QSER1: variants seen among roughly 807,000 people sequenced by gnomAD.
The protein encoded by QSER1 is glutamine and serine-rich protein 1.
QSER1 carries 49 observed loss-of-function variants against 158.5 expected under a neutral mutation model. That is an observed-to-expected ratio of 0.31 (90% confidence interval 0.25 to 0.39). The LOEUF (loss-of-function observed/expected upper bound fraction) is 0.39. Ranked by LOEUF, QSER1 falls within the 10% of genes least tolerant of loss-of-function variation. QSER1 has a pLI of 1.00. For synonymous variants in QSER1, 650 were observed against 715.5 expected (o/e 0.91, Z 1.46); for missense variants, 1,754 against 2,010.3 (o/e 0.87, Z 2.44).
At chr11:32,908,710 A>G (rs1258772809) in intron 1 of QSER1, among the ~76,000 whole-genome samples, 1 of 152,228 alleles carries the variant, frequency 6.6e-6, no homozygotes, top group East Asian at 1.9e-4. Flanking sequence ...GTTATTGCAA[A>G]TAATGCTGCT....
intron 4 of QSER1, among the ~76,000 whole-genome samples, chr11:32,949,578 A>G (rs1002897864): frequency 6.6e-6 from 1 of 152,198 alleles, no homozygotes; most frequent in Admixed American, 6.5e-5. Flanking sequence ...ATGCAATTGT[A>G]TAATGTTAGA....
At chr11:32,945,559 T>TA (rs1342404830) in intron 4 of QSER1, among the ~76,000 whole-genome samples, 2 of 152,176 alleles carry the variant, frequency 1.3e-5, no homozygotes, top group Non-Finnish European at 2.9e-5. Context: ...ATGTTGAATA[T>TA]TGGCCCCCAC....
chr11:32,963,140 G>T (rs1421793959), intron 8 of QSER1, among the ~76,000 whole-genome samples: 1 of 152,054 alleles, frequency 6.6e-6, no homozygotes, highest in African/African-American at 2.4e-5. Context: ...CTTCGTCAAG[G>T]ACTATTAATT....
At chr11:32,923,591 T>A (rs1851926024) in intron 1 of QSER1, among the ~76,000 whole-genome samples, 1 of 151,306 alleles carries the variant, frequency 6.6e-6, no homozygotes, top group African/African-American at 2.4e-5. Flanking sequence ...GGCAGGAGAA[T>A]TGCTTGAACC....
At chr11:32,909,020 C>T (rs988143768) in intron 1 of QSER1, among the ~76,000 whole-genome samples, 1 of 152,054 alleles carries the variant, frequency 6.6e-6, no homozygotes, top group Admixed American at 6.6e-5. Context: ...ATTAGCTGGG[C>T]GTGGTGGTAC....
intron 1 of QSER1, among the ~76,000 whole-genome samples, chr11:32,898,359 G>A (rs1019261591): frequency 2.6e-5 from 4 of 151,820 alleles, no homozygotes; most frequent in Admixed American, 1.3e-4. Flanking sequence ...GGTGGCGTGC[G>A]CCTGTGGTCC....
At chr11:32,963,841 GT>G (rs1852674546) in intron 8 of QSER1, among the ~76,000 whole-genome samples, 1 of 151,306 alleles carries the variant, frequency 6.6e-6, no homozygotes, top group South Asian at 2.1e-4. Context: ...TAATTTTAAA[GT>G]TTTTTGTAGA....
intron 1 of QSER1, among the ~76,000 whole-genome samples, chr11:32,910,229 T>G (rs1334908659): frequency 1.3e-5 from 2 of 152,218 alleles, no homozygotes; most frequent in Non-Finnish European, 2.9e-5. Context: ...GCATTGCTGA[T>G]TACTGTGTCC....
At chr11:32,960,325 G>A (rs1852599905) in intron 8 of QSER1, among the ~76,000 whole-genome samples, 1 of 152,172 alleles carries the variant, frequency 6.6e-6, no homozygotes, top group Non-Finnish European at 1.5e-5. Flanking sequence ...GGGAGGCTGA[G>A]GAGGGTGGAT....
At chr11:32,921,085 A>G (rs1474497752) in intron 1 of QSER1, among the ~76,000 whole-genome samples, 1 of 152,212 alleles carries the variant, frequency 6.6e-6, no homozygotes, top group Non-Finnish European at 1.5e-5. Context: ...GCCCAAAAGT[A>G]GAAACAACCC....
rs1554922098 is a variant in QSER1, at chr11:32,892,843, G to GGCGGCCGCCGCC, written c.-281_-280insGGCCGCCGCCGC. ...GAAATCCACCAACATGGGGCGCAGC[G>GGCGGCCGCCGCC]GCCGCCGCCGCCGCCGCCGTCGCCG... On this transcript the variant is annotated 5_prime_UTR_variant, in exon 1 of 13. Transcript: ENST00000650167. 6.9e-6 allele frequency among the ~76,000 whole-genome samples: 1 copy of GGCGGCCGCCGCC among 144,782 alleles called. No homozygotes were observed. Among genetic ancestry groups the GGCGGCCGCCGCC allele is most frequent in the Non-Finnish European group, 1.5e-5 (1 of 65,518 alleles). The allele number at this position is 144,782 out of a possible 152,430, so 95.0% of individuals were successfully genotyped here.
intron 8 of QSER1, among the ~76,000 whole-genome samples, chr11:32,962,770 A>C (rs1199703436): frequency 6.6e-6 from 1 of 152,170 alleles, no homozygotes; most frequent in Non-Finnish European, 1.5e-5. Flanking sequence ...GATGTCCAGA[A>C]CTCTAATTTT....
intron 1 of QSER1, among the ~76,000 whole-genome samples, chr11:32,921,728 A>T (rs34351545): frequency 0.096 from 14,552 of 152,242 alleles, 872 homozygotes; most frequent in African/African-American, 0.17. Flanking sequence ...GATTCAATAC[A>T]GTTTTTTTGT....
rs1852996458 is a variant in QSER1, at chr11:32,977,390, G to GT, written c.*917dup. The GT allele has an allele frequency of 2.0e-5, 3 of 152,652 alleles. No homozygotes were observed. The highest frequency in any genetic ancestry group is 7.2e-5 in the African/African-American group (3 of 41,546). The allele number at this position is 152,652 out of a possible 1,614,324, so 9.5% of individuals were successfully genotyped here. A position where few individuals can be genotyped will look rare whatever the true frequency, so the allele number is the denominator to read the frequency against. The stretch of plus-strand genomic sequence containing the variant: ...CAGTGTTATCCAGAATATGCATTCA[G>GT]TACTAGAATTAGTTTAGCTTTATAA... On this transcript the variant is annotated 3_prime_UTR_variant, in exon 13 of 13. Coordinates refer to ENST00000650167, the MANE Select transcript of QSER1 (RefSeq NM_001076786.3).
chr11:32,956,012 A>G lies in QSER1; in HGVS notation c.4642A>G (p.Lys1548Glu). The G allele has an allele frequency of 6.2e-7, 1 of 1,607,142 alleles. No homozygotes were observed. The highest frequency in any genetic ancestry group is 1.1e-5 in the South Asian group (1 of 90,564). ...GTATCTTGGATATTTTGGAGATGCA[A>G]AGAGTAAATACAAAAGAATATATGT... Reference protein sequence around the residue: ...NSYLGYFGDAKSKYKRIYVKF... With the variant: ...NSYLGYFGDAESKYKRIYVKF... The change falls in exon 7 of 13, where the codon AAG becomes GAG. Residue 1548 changes from lysine to glutamate, a missense_variant. By Grantham distance (56) the Lys-to-Glu change is moderately conservative. Coordinates refer to ENST00000650167, the MANE Select transcript of QSER1 (RefSeq NM_001076786.3).
At chr11:32,970,605 A>T (rs1200600689) in intron 10 of QSER1, among the ~76,000 whole-genome samples, 1 of 152,124 alleles carries the variant, frequency 6.6e-6, no homozygotes, top group East Asian at 1.9e-4. Context: ...GGGTTTCACC[A>T]TGTTGGTCAG....
At chr11:32,954,325 G>A in intron 5 of QSER1, 146 bp downstream of exon 5, 3 of 904,614 alleles carry the variant, frequency 3.3e-6, no homozygotes, top group Non-Finnish European at 4.8e-6. Flanking sequence ...AAAATATTAA[G>A]AGTAGATGTC....
At chr11:32,942,598 G>T (rs1203990728) in intron 4 of QSER1, among the ~76,000 whole-genome samples, 15 of 152,150 alleles carry the variant, frequency 9.9e-5, no homozygotes, top group Non-Finnish European at 1.2e-4. Context: ...CTATATCTCT[G>T]TTTTGGTACC....
chr11:32,893,486 CT>C lies in QSER1; in HGVS notation c.209+153del, dbSNP rs1392181586. ...CCAGCTCGGGGGAGGCGGCTGATGACTCCTACGGGGTGGTCGCGGGTAGGTG... is the reference window on the plus strand; with the variant it reads ...CCAGCTCGGGGGAGGCGGCTGATGACCCTACGGGGTGGTCGCGGGTAGGTG... On this transcript the variant is annotated intron_variant, in intron 1 of 12. Transcript: ENST00000650167. The surrounding 1 kb of genome is among the most constrained non-coding windows in gnomAD (Gnocchi z 4.7). Among the ~76,000 whole-genome samples the C allele has an allele frequency of 5.9e-5, 9 of 152,190 alleles. No individual in the cohort carries two copies. Among genetic ancestry groups the C allele is most frequent in the African/African-American group, 4.8e-5 (2 of 41,456 alleles).
Sources: gnomAD v4.1 joint callset for allele counts (sites outside exome capture counted in the v4.1 genomes callset) on GRCh38, gnomAD v4.1.1 for gene constraint, Gnocchi (gnomAD v3.1) non-coding constraint, MANE v1.5 for transcripts, NCBI Gene and HGNC (gene_info 2026-07-23, HGNC 2026-07-21) for gene names.